Variants in TMEM132B observed in about 807,000 individuals in gnomAD.
TMEM132B encodes transmembrane protein 132B.
Under a neutral mutation model 90.8 loss-of-function variants are expected in TMEM132B, and 18 were observed. That is an observed-to-expected ratio of 0.20 (90% CI 0.14 to 0.29). TMEM132B has a LOEUF of 0.29. Ranked by LOEUF, TMEM132B falls within the 10% of genes least tolerant of loss-of-function variation. TMEM132B has a pLI of 1.00. For missense variants in TMEM132B, 1,096 were observed against 1,326.8 expected, an observed-to-expected ratio of 0.83 and a Z score of 2.70; for synonymous variants, 504 against 523.3, an observed-to-expected ratio of 0.96 and a Z score of 0.50.
At chr12:125,411,450 A>G (rs1204197907) in intron 2 of TMEM132B, among the ~76,000 whole-genome samples, 1 of 151,822 alleles carries the variant, frequency 6.6e-6, no homozygotes, top group African/African-American at 2.4e-5. Flanking sequence ...CCACCATGGC[A>G]TGGGTATACC....
Position 125,519,601 on chromosome 12 carries a change from C to T in TMEM132B, c.1269C>T (p.Phe423=), listed in dbSNP as rs368726520. The change falls in exon 4 of 9, where the codon TTC becomes TTT. Residue 423 remains phenylalanine (F), a synonymous_variant. Coordinates refer to ENST00000682704, the MANE Select transcript of TMEM132B (RefSeq NM_001366854.1). ...AGATCTTCGTCAGCCAGACAACCTT[C>T]GTGGGCATCGTCCCTCTTGCCATGG... ...VSEIFVSQTT[F]VGIVPLAMDT... 318 of 1,614,110 alleles carry T rather than the reference C, an allele frequency of 2.0e-4. 5 individuals carry two copies. In the East Asian group the frequency reaches 2.6e-3, roughly 13 times the overall value.
intron 1 of TMEM132B, among the ~76,000 whole-genome samples, chr12:125,211,688 G>A (rs1381096044): frequency 2.0e-5 from 3 of 152,214 alleles, no homozygotes; most frequent in East Asian, 1.9e-4. Flanking sequence ...CGCTGCACAC[G>A]GTTCACCTCC....
chr12:125,392,634 C>A (rs1238755763), intron 2 of TMEM132B, among the ~76,000 whole-genome samples: 1 of 152,128 alleles, frequency 6.6e-6, no homozygotes, highest in African/African-American at 2.4e-5. Context: ...CTGCACCTGA[C>A]CAACAGCCAA....
intron 1 of TMEM132B, among the ~76,000 whole-genome samples, chr12:125,255,512 A>G (rs1260029464): frequency 1.3e-5 from 2 of 152,142 alleles, no homozygotes; most frequent in Non-Finnish European, 2.9e-5. Flanking sequence ...CCTGCTGCAT[A>G]CAGATGCCTT....
intron 3 of TMEM132B, among the ~76,000 whole-genome samples, chr12:125,515,890 G>A (rs918872441): frequency 1.1e-4 from 14 of 128,160 alleles, no homozygotes; most frequent in East Asian, 3.3e-4. Flanking sequence ...ACATTCTCAC[G>A]CACACATTTA....
intron 1 of TMEM132B, among the ~76,000 whole-genome samples, chr12:125,216,538 T>A (rs962598): frequency 0.32 from 48,317 of 152,062 alleles, 8,655 homozygotes; most frequent in East Asian, 0.45. Context: ...AGGCCTTCTT[T>A]GTGTCTTTGT....
intron 1 of TMEM132B, among the ~76,000 whole-genome samples, chr12:125,298,105 A>G (rs1188904782): frequency 6.6e-6 from 1 of 152,014 alleles, no homozygotes; most frequent in Non-Finnish European, 1.5e-5. Context: ...AAAAGTTAAA[A>G]ATCAGTTGGG....
intron 6 of TMEM132B, among the ~76,000 whole-genome samples, chr12:125,645,868 C>A (rs1886753152): frequency 6.6e-6 from 1 of 152,226 alleles, no homozygotes; most frequent in East Asian, 1.9e-4. Flanking sequence ...AGCCGTAACT[C>A]ATACCTCAAA....
At chr12:125,629,526 A>G (rs1886308516) in intron 5 of TMEM132B, among the ~76,000 whole-genome samples, 1 of 151,902 alleles carries the variant, frequency 6.6e-6, no homozygotes, top group Non-Finnish European at 1.5e-5. Flanking sequence ...CATCAGTTCT[A>G]ATAGTTTTTT....
chr12:125,433,299 G>A (rs529688900), intron 3 of TMEM132B, among the ~76,000 whole-genome samples: 40 of 152,252 alleles, frequency 2.6e-4, no homozygotes, highest in African/African-American at 6.5e-4. Context: ...GCTGTGGAAC[G>A]TCACGGTCAT....
intron 4 of TMEM132B, among the ~76,000 whole-genome samples, chr12:125,549,292 C>T (rs1442715842): frequency 2.0e-5 from 3 of 152,128 alleles, no homozygotes; most frequent in Admixed American, 6.5e-5. Flanking sequence ...TCAGTGAGTC[C>T]GCCTCCTCGG....
chr12:125,652,329 A>G (rs1396546861), intron 7 of TMEM132B, 112 bp from the exon 8 acceptor site: 2 of 960,414 alleles, frequency 2.1e-6, no homozygotes, highest in East Asian at 2.8e-5. Context: ...ATTCCCACAA[A>G]TGCATGCATT....
At chr12:125,220,619 G>A (rs1221461393) in intron 1 of TMEM132B, among the ~76,000 whole-genome samples, 1 of 152,218 alleles carries the variant, frequency 6.6e-6, no homozygotes. Flanking sequence ...TTCTCACAGT[G>A]GGAGGCAGGC....
chr12:125,263,047 C>T (rs1874603780), intron 1 of TMEM132B, among the ~76,000 whole-genome samples: 1 of 152,162 alleles, frequency 6.6e-6, no homozygotes, highest in East Asian at 1.9e-4. Flanking sequence ...AAGCTTTTAC[C>T]CAGCAGTTTT....
In TMEM132B at chr12:125,660,840, C is replaced by T. The variant is rs928497062; in HGVS notation, c.*6130C>T. ...TTTCATGTTAACGACAAGAGTCTCA[C>T]GGGAGTCTCTTTAGATGCTGCAGGA... On this transcript the variant is annotated 3_prime_UTR_variant, in exon 9 of 9. Transcript: ENST00000682704. 8.5e-5 allele frequency: 13 copies of T among 152,170 alleles called. No homozygotes were observed. Among genetic ancestry groups the T allele is most frequent in the Non-Finnish European group, 1.8e-4 (12 of 68,034 alleles). The allele number at this position is 152,170 out of a possible 1,614,324, so 9.4% of individuals were successfully genotyped here. A position where few individuals can be genotyped will look rare whatever the true frequency, so the allele number is the denominator to read the frequency against.
chr12:125,415,490 G>T lies in TMEM132B; in HGVS notation c.960-41G>T, dbSNP rs1201398466. 1.9e-6 allele frequency: 3 copies of T among 1,602,812 alleles called. No individual in the cohort carries two copies. Among genetic ancestry groups the T allele is most frequent in the Non-Finnish European group, 2.6e-6 (3 of 1,174,246 alleles). Reference sequence around the variant, plus strand: ...TTTACTACCTGTTTCAAACTAAAATGGTTTTATTATATATAATATCATTGT... The same window carrying T: ...TTTACTACCTGTTTCAAACTAAAATTGTTTTATTATATATAATATCATTGT... On this transcript the variant is annotated intron_variant, in intron 2 of 8. Coordinates refer to ENST00000682704, the MANE Select transcript of TMEM132B (RefSeq NM_001366854.1). This position sits in a 1 kb window ranked among gnomAD's most constrained non-coding sequence, Gnocchi z 5.3.
At chr12:125,295,327 G>T (rs1401524980) in intron 1 of TMEM132B, among the ~76,000 whole-genome samples, 1 of 152,164 alleles carries the variant, frequency 6.6e-6, no homozygotes, top group African/African-American at 2.4e-5. Flanking sequence ...TTCGAGGGAA[G>T]GTCTGTGAGC....
At chr12:125,355,812 G>C (rs1877748952) in intron 2 of TMEM132B, among the ~76,000 whole-genome samples, 1 of 152,182 alleles carries the variant, frequency 6.6e-6, no homozygotes, top group African/African-American at 2.4e-5. Flanking sequence ...AAAAGAAACA[G>C]ATGTGTACCA....
intron 6 of TMEM132B, among the ~76,000 whole-genome samples, chr12:125,646,420 T>C (rs1886766310): frequency 6.6e-6 from 1 of 152,226 alleles, no homozygotes; most frequent in Non-Finnish European, 1.5e-5. Flanking sequence ...CAGAAAAGTG[T>C]GCTTTAAACA....
Sources: allele counts gnomAD v4.1 joint callset (sites outside exome capture counted in the v4.1 genomes callset), GRCh38; gene constraint gnomAD v4.1.1; non-coding constraint Gnocchi (gnomAD v3.1); transcripts MANE v1.5; gene names NCBI Gene and HGNC (gene_info 2026-07-23, HGNC 2026-07-21).